OSBP2: variants seen among roughly 807,000 people sequenced by gnomAD.
OSBP2 encodes oxysterol-binding protein 2.
Under a neutral mutation model 96.0 loss-of-function variants are expected in OSBP2, and 66 were observed. The ratio of observed to expected loss-of-function variants is 0.69; its 90% CI spans 0.56 to 0.84. The LOEUF (loss-of-function observed/expected upper bound fraction) is 0.84. Among genes scored for constraint, OSBP2 ranks in the 40% least tolerant of loss-of-function variants. The pLI, the probability that OSBP2 is intolerant of heterozygous loss-of-function variation, is 0.00. For synonymous variants in OSBP2, 525 were observed against 520.9 expected, an observed-to-expected ratio of 1.01 and a Z score of -0.11; for missense variants, 1,038 against 1,222.7, an observed-to-expected ratio of 0.85 and a Z score of 2.25.
At chr22:30,905,626 G>C (rs2040314000) in intron 12 of OSBP2, among the ~76,000 whole-genome samples, 2 of 152,272 alleles carry the variant, frequency 1.3e-5, no homozygotes, top group African/African-American at 2.4e-5. Context: ...AGCATGGGAG[G>C]TGTGGGGAGC....
intron 2 of OSBP2, among the ~76,000 whole-genome samples, chr22:30,757,690 T>C (rs2090158717): frequency 1.3e-5 from 2 of 152,236 alleles, no homozygotes; most frequent in Admixed American, 1.3e-4. Flanking sequence ...AGTGCTGGGA[T>C]TACAGACATG....
chr22:30,700,690 G>C (rs2089143354), intron 1 of OSBP2, among the ~76,000 whole-genome samples: 1 of 151,910 alleles, frequency 6.6e-6, no homozygotes, highest in Non-Finnish European at 1.5e-5. Context: ...TGTTCATACT[G>C]ATCTCTGCTT....
At chr22:30,820,830 C>T (rs1231301523) in intron 2 of OSBP2, among the ~76,000 whole-genome samples, 3 of 152,136 alleles carry the variant, frequency 2.0e-5, no homozygotes, top group African/African-American at 7.2e-5. Context: ...CCTGCCCGGC[C>T]AGTGAATCTA....
intron 2 of OSBP2, among the ~76,000 whole-genome samples, chr22:30,830,016 G>A (rs2038488770): frequency 6.6e-6 from 1 of 152,114 alleles, no homozygotes; most frequent in Admixed American, 6.5e-5. Flanking sequence ...TGGATGCATG[G>A]GGTTGAGCTG....
chr22:30,827,292 G>A (rs991785512), intron 2 of OSBP2, among the ~76,000 whole-genome samples: 1 of 152,128 alleles, frequency 6.6e-6, no homozygotes, highest in African/African-American at 2.4e-5. Context: ...AGGCCTCATG[G>A]TAGTGCTGAC....
intron 2 of OSBP2, among the ~76,000 whole-genome samples, chr22:30,776,124 T>A (rs941407358): frequency 3.6e-4 from 55 of 151,668 alleles, no homozygotes; most frequent in African/African-American, 1.2e-3. Context: ...TCTTTTTTTT[T>A]TTTTTATTTT....
chr22:30,888,160 C>T, intron 4 of OSBP2, 63 bp from the exon 5 acceptor site: 1 of 1,114,188 alleles, frequency 9.0e-7, no homozygotes, highest in Non-Finnish European at 1.4e-6. Flanking sequence ...TGGCTCTGGA[C>T]TTAGGGAGGC....
At chr22:30,851,783 A>T (rs1258028340) in intron 2 of OSBP2, among the ~76,000 whole-genome samples, 4 of 152,160 alleles carry the variant, frequency 2.6e-5, no homozygotes, top group Admixed American at 2.6e-4. Context: ...GTATGATGAT[A>T]ACTGTAAGAT....
intron 2 of OSBP2, among the ~76,000 whole-genome samples, chr22:30,860,865 G>A (rs923591259): frequency 1.3e-5 from 2 of 152,194 alleles, no homozygotes; most frequent in African/African-American, 4.8e-5. Context: ...CCACTATTTT[G>A]TGCTCCATTT....
chr22:30,820,832 G>T (rs1421852138), intron 2 of OSBP2, among the ~76,000 whole-genome samples: 1 of 152,160 alleles, frequency 6.6e-6, no homozygotes, highest in Admixed American at 6.5e-5. Flanking sequence ...TGCCCGGCCA[G>T]TGAATCTAAC....
At chr22:30,717,709 C>G (rs933044562) in intron 1 of OSBP2, among the ~76,000 whole-genome samples, 1 of 152,192 alleles carries the variant, frequency 6.6e-6, no homozygotes, top group Non-Finnish European at 1.5e-5. Flanking sequence ...CACTTAGAGT[C>G]TCCTTATTCA....
At chr22:30,872,440 A>G (rs999383965) in intron 3 of OSBP2, 1 of 452,050 alleles carries the variant, frequency 2.2e-6, no homozygotes, top group Non-Finnish European at 4.5e-6. Context: ...ACAGTCTTTT[A>G]TCAGACATCA....
At chr22:30,779,603 C>T (rs1377525401) in intron 2 of OSBP2, among the ~76,000 whole-genome samples, 1 of 152,098 alleles carries the variant, frequency 6.6e-6, no homozygotes, top group Admixed American at 6.6e-5. Context: ...ACTTGGCCTC[C>T]CTTCCCTTCC....
At chr22:30,739,567 C>T (rs546642314) in intron 1 of OSBP2, among the ~76,000 whole-genome samples, 114 of 152,044 alleles carry the variant, frequency 7.5e-4, no homozygotes, top group Admixed American at 2.4e-3. Context: ...CTCCGCCTCC[C>T]GGGTTCAAGT....
chr22:30,833,422 C>G (rs768654198), intron 2 of OSBP2, among the ~76,000 whole-genome samples: 1 of 152,182 alleles, frequency 6.6e-6, no homozygotes, highest in Non-Finnish European at 1.5e-5. Flanking sequence ...ACAAATAATA[C>G]TAGCTACTTA....
At chr22:30,819,006 A>G (rs2091115978) in intron 2 of OSBP2, among the ~76,000 whole-genome samples, 3 of 152,324 alleles carry the variant, frequency 2.0e-5, no homozygotes, top group Admixed American at 1.3e-4. Context: ...CGTCACAAAG[A>G]GGAGGGCTGG....
Position 30,893,804 on chromosome 22 carries a change from C to T in OSBP2, c.2191-13C>T, listed in dbSNP as rs2040007349. On this transcript the variant is annotated splice_polypyrimidine_tract_variant and intron_variant, in intron 11 of 13. Transcript: ENST00000332585. ...AGAGTCTGCACCTACGCTGGTCCTG[C>T]CAATGTCCACAGGTGACAGGAGTGG... 1 of 1,600,888 alleles carries T rather than the reference C, an allele frequency of 6.2e-7. No homozygotes were observed. The highest frequency in any genetic ancestry group is 1.1e-5 in the South Asian group (1 of 89,766).
intron 2 of OSBP2, among the ~76,000 whole-genome samples, chr22:30,831,826 G>A (rs2038528983): frequency 6.6e-6 from 1 of 152,060 alleles, no homozygotes; most frequent in African/African-American, 2.4e-5. Flanking sequence ...GCCACTTATG[G>A]CCACCAACAG....
chr22:30,744,446 A>C (rs1165361374), intron 2 of OSBP2, among the ~76,000 whole-genome samples: 1 of 152,074 alleles, frequency 6.6e-6, no homozygotes, highest in Non-Finnish European at 1.5e-5. Flanking sequence ...TCCTGCTGGA[A>C]GCCTACTTCC....
Sources: gnomAD v4.1 joint callset for allele counts (sites outside exome capture counted in the v4.1 genomes callset) on GRCh38, gnomAD v4.1.1 for gene constraint, MANE v1.5 for transcripts, NCBI Gene and HGNC (gene_info 2026-07-23, HGNC 2026-07-21) for gene names.